The following SLC12A5 variants were observed in gnomAD, a reference collection of about 807,000 sequenced individuals.
SLC12A5 encodes solute carrier family 12 member 5, also known as K-Cl cotransporter 2.
In SLC12A5, 18 loss-of-function variants were observed where a neutral mutation model predicts 124.0. The ratio of observed to expected loss-of-function variants is 0.15; its 90% CI spans 0.10 to 0.22. SLC12A5 has a LOEUF of 0.22. Ranked by LOEUF, SLC12A5 falls within the 10% of genes least tolerant of loss-of-function variation. SLC12A5 has a pLI of 1.00. For missense variants in SLC12A5, 867 were observed against 1,478.7 expected, an observed-to-expected ratio of 0.59 and a Z score of 6.78; for synonymous variants, 589 against 568.0, an observed-to-expected ratio of 1.04 and a Z score of -0.53.
Position 46,057,102 on chromosome 20 carries a change from G to T in SLC12A5, c.3126-68G>T. On this transcript the variant is annotated intron_variant, in intron 24 of 25. Transcript: ENST00000243964. The surrounding 1 kb of genome is among the most constrained non-coding windows in gnomAD (Gnocchi z 7.1). ...CCCAGCAGCCCAGTTCGGGCTGGAA[G>T]GGCGACTGGCTCCAATCTTCTCTAC... 6.2e-7 allele frequency: 1 copy of T among 1,606,452 alleles called. No individual in the cohort carries two copies. The highest frequency in any genetic ancestry group is 8.5e-7 in the Non-Finnish European group (1 of 1,174,790).
intron 11 of SLC12A5, 137 bp from the exon 12 acceptor site, chr20:46,044,829 G>T: frequency 2.2e-6 from 2 of 900,636 alleles, no homozygotes; most frequent in Non-Finnish European, 1.7e-6. Flanking sequence ...AACATTTGGG[G>T]CTCTGCCTCC....
chr20:46,056,210 C>G lies in SLC12A5; in HGVS notation c.2848C>G (p.Arg950Gly), dbSNP rs1254654686. Residue 950 changes from arginine to glycine, a missense_variant, in exon 22 of 26, where the codon CGG (arginine) becomes GGG (glycine). Physicochemically the swap from Arg to Gly is moderately radical, Grantham distance 125. This residue lies in a region of SLC12A5 where 180 missense variants were observed against 243.6 expected (regional missense o/e 0.74). Coordinates refer to ENST00000243964, the MANE Select transcript of SLC12A5 (RefSeq NM_020708.5). This position sits in a 1 kb window ranked among gnomAD's most constrained non-coding sequence, Gnocchi z 4.3. Reference sequence around the variant, plus strand: ...CCGGAGAAAGAATCCAGCCAACACGCGGCTCCGCCTGAACGTCCCAGAAGA... The same window carrying G: ...CCGGAGAAAGAATCCAGCCAACACGGGGCTCCGCCTGAACGTCCCAGAAGA... ...SIRRKNPANT[R>G]LRLNVPEETA... The G allele has an allele frequency of 6.2e-7, 1 of 1,614,200 alleles. No homozygotes were observed. The highest frequency in any genetic ancestry group is 8.5e-7 in the Non-Finnish European group (1 of 1,180,030).
intron 1 of SLC12A5, among the ~76,000 whole-genome samples, chr20:46,034,564 C>T (rs937779998): frequency 6.6e-6 from 1 of 152,122 alleles, no homozygotes; most frequent in Non-Finnish European, 1.5e-5. Context: ...GTGGCACATC[C>T]TTGGGGCCTT....
chr20:46,025,597 A>G (rs2084390842), upstream of SLC12A5, among the ~76,000 whole-genome samples: 1 of 151,938 alleles, frequency 6.6e-6, no homozygotes, highest in Admixed American at 6.6e-5. Flanking sequence ...GGAAAGAGGG[A>G]AGATGGACTG....
intron 1 of SLC12A5, chr20:46,022,832 C>A (rs2084366195): frequency 7.5e-6 from 3 of 399,296 alleles, no homozygotes; most frequent in Non-Finnish European, 1.3e-5. Flanking sequence ...GCATCCTGGG[C>A]GCGTGCACAG....
intron 14 of SLC12A5, 113 bp downstream of exon 14, chr20:46,046,549 C>A: frequency 1.2e-6 from 1 of 858,898 alleles, no homozygotes; most frequent in Non-Finnish European, 1.8e-6. Context: ...CTGAAGAGGA[C>A]ATCCTTTTTT....
intron 17 of SLC12A5, among the ~76,000 whole-genome samples, chr20:46,050,320 T>C (rs1039496010): frequency 1.3e-5 from 2 of 152,250 alleles, no homozygotes; most frequent in African/African-American, 4.8e-5. Flanking sequence ...CTCAGGCCCC[T>C]GCTCTGTGTC....
At chr20:46,054,816 C>G (rs2084675608) in intron 20 of SLC12A5, 100 bp from the exon 21 acceptor site, 1,551 of 684,756 alleles carry the variant, frequency 2.3e-3, no homozygotes, top group Non-Finnish European at 3.6e-3. Context: ...AGGACGGGGG[C>G]CTTCCTTCCT....
At position 46,034,821 on chromosome 20, in the gene SLC12A5, G is replaced by T. The variant is rs146379911; in HGVS notation, c.53-127G>T. 9.1e-5 allele frequency: 72 copies of T among 795,408 alleles called. No individual in the cohort carries two copies. In the African/African-American group the frequency reaches 1.1e-3, roughly 12 times the overall value. 49.3% of individuals were successfully genotyped at this position (795,408 alleles called of 1,614,324 possible). On this transcript the variant is annotated intron_variant, in intron 1 of 25. Transcript: ENST00000243964. ...CAACTGCAACCCTGCAAGGAAGGTG[G>T]TATTAGCCCCATTTTCCCAATGCGC...
intron 1 of SLC12A5, among the ~76,000 whole-genome samples, chr20:46,032,343 G>T (rs911629073): frequency 3.9e-5 from 6 of 152,226 alleles, no homozygotes; most frequent in African/African-American, 1.4e-4. Context: ...GAGGGGAGGG[G>T]TTCTCCTGTC....
chr20:46,035,418 C>A lies in SLC12A5; in HGVS notation c.162C>A (p.Thr54=), dbSNP rs778243278. 2 of 1,613,212 alleles carry A rather than the reference C, an allele frequency of 1.2e-6. No homozygotes were observed. The highest frequency in any genetic ancestry group is 2.2e-5 in the East Asian group (1 of 44,840). The change falls in exon 3 of 26, where the codon ACC becomes ACA. Residue 54 remains threonine, a synonymous_variant. Coordinates refer to ENST00000243964, the MANE Select transcript of SLC12A5 (RefSeq NM_020708.5). ...TCCCTCCATAGGAGGAGATGGACAC[C>A]AGCCCTATGGTGTCCTCCTTGCTCA... ...NMALFEEEMD[T]SPMVSSLLSG...
Position 46,056,941 on chromosome 20 carries a change from C to G in SLC12A5, c.3125+30C>G, listed in dbSNP as rs1175769691. The G allele has an allele frequency of 1.2e-6, 2 of 1,613,996 alleles. No homozygotes were observed. The highest frequency in any genetic ancestry group is 1.7e-6 in the Non-Finnish European group (2 of 1,179,956). On this transcript the variant is annotated intron_variant, in intron 24 of 25. Coordinates refer to ENST00000243964, the MANE Select transcript of SLC12A5 (RefSeq NM_020708.5). The surrounding 1 kb of genome is among the most constrained non-coding windows in gnomAD (Gnocchi z 4.3). Reference sequence around the variant, plus strand: ...GTGCTTCAGCATTTTTTCATTCTCTCTCCTAGGATGGCCAGGGTCCCTACC... The same window carrying G: ...GTGCTTCAGCATTTTTTCATTCTCTGTCCTAGGATGGCCAGGGTCCCTACC...
At chr20:46,043,563 G>C in intron 9 of SLC12A5, 70 bp from the exon 10 acceptor site, 2 of 1,497,428 alleles carry the variant, frequency 1.3e-6, no homozygotes, top group Non-Finnish European at 1.9e-6. Flanking sequence ...TGAGGGTGGT[G>C]CCCTTTTTTC....
rs2145509987 is a variant in SLC12A5 at position 46,057,727 on chromosome 20, C to T, written c.*122C>T. ...CTGTGCCCGTGTCCTGGCCCCTTAC[C>T]CCGCTGCCTGAAGCCCGGAGGCCAC... is the stretch of plus-strand genomic sequence containing the variant. On this transcript the variant is annotated 3_prime_UTR_variant, in exon 26 of 26. Transcript: ENST00000243964. The surrounding 1 kb of genome is among the most constrained non-coding windows in gnomAD (Gnocchi z 7.1). The T allele has an allele frequency of 2.6e-6, 2 of 761,034 alleles. No individual in the cohort carries two copies. The highest frequency in any genetic ancestry group is 1.8e-5 in the African/African-American group (1 of 54,710). 47.1% of individuals were successfully genotyped at this position (761,034 alleles called of 1,614,324 possible). A position where few individuals can be genotyped will look rare whatever the true frequency, so the allele number is the denominator to read the frequency against.
chr20:46,058,639 T>A lies in SLC12A5; in HGVS notation c.*1034T>A, dbSNP rs1040431286. 2.5e-6 allele frequency: 1 copy of A among 399,008 alleles called. No individual in the cohort carries two copies. The allele number at this position is 399,008 out of a possible 1,614,324, so 24.7% of individuals were successfully genotyped here. On this transcript the variant is annotated 3_prime_UTR_variant, in exon 26 of 26. Transcript: ENST00000243964. This position sits in a 1 kb window ranked among gnomAD's most constrained non-coding sequence, Gnocchi z 5.8. The stretch of plus-strand genomic sequence containing the variant: ...GAGCAGGCGTCTCTCCTCAGTCGGC[T>A]TGTCGCCTGCTCCCCGTATCCCATG...
intron 1 of SLC12A5, chr20:46,022,035 T>G: frequency 2.1e-6 from 2 of 961,786 alleles, no homozygotes; most frequent in South Asian, 2.3e-5. Flanking sequence ...GAGCCAGGAC[T>G]AGGAAACCAA....
chr20:46,035,699 A>G, intron 3 of SLC12A5, 78 bp from the exon 4 acceptor site: 2 of 1,546,234 alleles, frequency 1.3e-6, no homozygotes, highest in East Asian at 2.3e-5. Context: ...GTGGGGGCAG[A>G]GAAACATGGA....
intron 20 of SLC12A5, among the ~76,000 whole-genome samples, chr20:46,054,566 A>G (rs924255357): frequency 6.6e-6 from 1 of 152,116 alleles, no homozygotes; most frequent in African/African-American, 2.4e-5. Context: ...TCTCCCATTC[A>G]TTCTTGCATG....
chr20:46,040,755 AAT>A, intron 7 of SLC12A5, 141 bp downstream of exon 7: 1 of 1,323,832 alleles, frequency 7.6e-7, no homozygotes, highest in Non-Finnish European at 1.0e-6. Flanking sequence ...TGGGAGGGAA[AAT>A]CTCTCTTAGT....
Sources: allele counts gnomAD v4.1 joint callset (sites outside exome capture counted in the v4.1 genomes callset), GRCh38; gene constraint gnomAD v4.1.1; regional missense constraint gnomAD v4.1.1; non-coding constraint Gnocchi (gnomAD v3.1); transcripts MANE v1.5; gene names NCBI Gene and HGNC (gene_info 2026-07-23, HGNC 2026-07-21).